GLIS1: variants seen among roughly 807,000 people sequenced by gnomAD.
The protein encoded by GLIS1 is zinc finger protein GLIS1.
In GLIS1, 24 loss-of-function variants were observed where a neutral mutation model predicts 63.8. The observed-to-expected ratio is 0.38, with a 90% CI of 0.27 to 0.53. The LOEUF is 0.53. Among genes scored for constraint, GLIS1 ranks in the 20% least tolerant of loss-of-function variants. The probability of loss-of-function intolerance (pLI) is 0.85; values close to 1 mark genes in which losing one functional copy is unlikely to be tolerated. For synonymous variants in GLIS1, 450 were observed against 482.5 expected, an observed-to-expected ratio of 0.93 and a Z score of 0.88; for missense variants, 1,036 against 1,074.1, an observed-to-expected ratio of 0.96 and a Z score of 0.50.
intron 4 of GLIS1, among the ~76,000 whole-genome samples, chr1:53,558,538 C>A (rs531678108): frequency 6.6e-6 from 1 of 152,206 alleles, no homozygotes; most frequent in Non-Finnish European, 1.5e-5. Context: ...TCTTCCCATG[C>A]CTCCCCCTAA....
intron 10 of GLIS1, among the ~76,000 whole-genome samples, chr1:53,507,961 C>T (rs1275975360): frequency 2.0e-5 from 3 of 152,220 alleles, no homozygotes; most frequent in Non-Finnish European, 4.4e-5. Context: ...CCCCATGTCA[C>T]GCAGGGGGCC....
intron 2 of GLIS1, among the ~76,000 whole-genome samples, chr1:53,671,979 G>T (rs1646157209): frequency 6.6e-6 from 1 of 152,168 alleles, no homozygotes; most frequent in Non-Finnish European, 1.5e-5. Flanking sequence ...TCCTACTGTA[G>T]GATGAGGAAA....
chr1:53,522,985 TC>T (rs1242712921), intron 6 of GLIS1, among the ~76,000 whole-genome samples: 9 of 25,930 alleles, frequency 3.5e-4, no homozygotes, highest in African/African-American at 2.1e-3. Context: ...TTCTTTTCTT[TC>T]TTTTTTTTTT....
At chr1:53,699,312 C>T (rs1646499428) in intron 2 of GLIS1, among the ~76,000 whole-genome samples, 1 of 152,180 alleles carries the variant, frequency 6.6e-6, no homozygotes, top group African/African-American at 2.4e-5. Context: ...GATCCACCCA[C>T]CTCGGCCTCC....
Position 53,560,274 on chromosome 1 carries a change from G to A in GLIS1, c.1321-30322C>T, listed in dbSNP as rs1254207713. Among the ~76,000 whole-genome samples, 1 of 152,202 alleles carries A rather than the reference G, an allele frequency of 6.6e-6. No individual in the cohort carries two copies. Among genetic ancestry groups the A allele is most frequent in the Non-Finnish European group, 1.5e-5 (1 of 68,030 alleles). On this transcript the variant is annotated intron_variant, in intron 4 of 10. Transcript: ENST00000628545. This position sits in a 1 kb window ranked among gnomAD's most constrained non-coding sequence, Gnocchi z 4.4. ...CAGACCTGGGGGCAGCAGCTGTGTT[G>A]ACTCATCTCTGTCCCAGCACTGAGG...
At chr1:53,721,645 C>A (rs1049101160) in intron 2 of GLIS1, among the ~76,000 whole-genome samples, 5 of 152,118 alleles carry the variant, frequency 3.3e-5, no homozygotes, top group African/African-American at 1.2e-4. Flanking sequence ...CTGTCTAAAG[C>A]CTTATTTTAT....
At chr1:53,600,063 C>T in intron 3 of GLIS1, 38 bp downstream of exon 3, 1 of 1,168,158 alleles carries the variant, frequency 8.6e-7, no homozygotes, top group Non-Finnish European at 1.1e-6. Context: ...CCTGGGGCCT[C>T]CTGGGAGTGT....
chr1:53,614,838 GCA>G (rs370365594), intron 2 of GLIS1, among the ~76,000 whole-genome samples: 1 of 145,828 alleles, frequency 6.9e-6, no homozygotes, highest in South Asian at 2.1e-4. Context: ...TCACACACAT[GCA>G]CACACACGGA....
chr1:53,506,838 C>T (rs1644239221), intron 10 of GLIS1, 62 bp from the exon 11 acceptor site: 2 of 1,519,998 alleles, frequency 1.3e-6, no homozygotes, highest in Non-Finnish European at 8.9e-7. Context: ...GCGCATGCTT[C>T]CCAGTTCCAG....
intron 4 of GLIS1, among the ~76,000 whole-genome samples, chr1:53,573,788 C>T (rs1347164386): frequency 1.3e-5 from 2 of 152,216 alleles, no homozygotes; most frequent in Admixed American, 1.3e-4. Context: ...GAGGCAGCCT[C>T]AGTGCTTTCC....
chr1:53,684,305 T>C (rs975507777), intron 2 of GLIS1, among the ~76,000 whole-genome samples: 2 of 152,036 alleles, frequency 1.3e-5, no homozygotes, highest in Non-Finnish European at 2.9e-5. Flanking sequence ...GAAGGTGTTG[T>C]GTATTTATGG....
At chr1:53,733,141 A>G (rs1646879511) in intron 2 of GLIS1, among the ~76,000 whole-genome samples, 2 of 152,244 alleles carry the variant, frequency 1.3e-5, no homozygotes, top group Non-Finnish European at 2.9e-5. Context: ...AACAAAGAAC[A>G]TAAGAATATA....
chr1:53,596,553 C>G (rs2100538733), intron 3 of GLIS1, among the ~76,000 whole-genome samples: 1 of 152,334 alleles, frequency 6.6e-6, no homozygotes, highest in East Asian at 1.9e-4. Flanking sequence ...GGCCCCGTGA[C>G]AGCCCTCTGC....
chr1:53,710,055 C>T (rs1333869922), intron 2 of GLIS1, among the ~76,000 whole-genome samples: 1 of 152,202 alleles, frequency 6.6e-6, no homozygotes, highest in Admixed American at 6.5e-5. Context: ...GCTGCCCACA[C>T]ACTGATGGTC....
chr1:53,522,760 T>A (rs1452630625), intron 6 of GLIS1, among the ~76,000 whole-genome samples: 3 of 150,988 alleles, frequency 2.0e-5, no homozygotes, highest in Non-Finnish European at 4.4e-5. Context: ...AAAAATATAT[T>A]AAAAAAAAGC....
chr1:53,575,271 C>A (rs891804660), intron 4 of GLIS1, among the ~76,000 whole-genome samples: 4 of 152,170 alleles, frequency 2.6e-5, no homozygotes, highest in African/African-American at 9.7e-5. Context: ...CGCCTCACGC[C>A]CCCCTGCTTC....
At chr1:53,623,905 T>C (rs1438954818) in intron 2 of GLIS1, among the ~76,000 whole-genome samples, 2 of 152,150 alleles carry the variant, frequency 1.3e-5, no homozygotes, top group Non-Finnish European at 2.9e-5. Context: ...AAGAAAACCT[T>C]AATAAATGAG....
chr1:53,580,377 C>T (rs1645073282), intron 4 of GLIS1, among the ~76,000 whole-genome samples: 1 of 152,154 alleles, frequency 6.6e-6, no homozygotes, highest in Non-Finnish European at 1.5e-5. Flanking sequence ...CAAGAGGACA[C>T]CTTGAGCTCC....
intron 4 of GLIS1, among the ~76,000 whole-genome samples, chr1:53,578,450 C>T (rs983783747): frequency 6.6e-6 from 1 of 152,136 alleles, no homozygotes; most frequent in African/African-American, 2.4e-5. Context: ...GTATCATCAC[C>T]TGTTAATAAT....
Sources: allele counts gnomAD v4.1 joint callset (sites outside exome capture counted in the v4.1 genomes callset), GRCh38; gene constraint gnomAD v4.1.1; non-coding constraint Gnocchi (gnomAD v3.1); transcripts MANE v1.5; gene names NCBI Gene and HGNC (gene_info 2026-07-23, HGNC 2026-07-21).